PCDHA3: variants seen among roughly 807,000 people sequenced by gnomAD.
The protein encoded by PCDHA3 is protocadherin alpha-3.
PCDHA3 carries 41 observed loss-of-function variants against 62.2 expected under a neutral mutation model. The observed-to-expected ratio is 0.66, with a 90% confidence interval of 0.51 to 0.86. The LOEUF (loss-of-function observed/expected upper bound fraction) is 0.86. PCDHA3 is among the 40% of genes least tolerant of loss of function. The probability of loss-of-function intolerance (pLI) is 0.00; values close to 1 mark genes in which losing one functional copy is unlikely to be tolerated. For synonymous variants in PCDHA3, 640 were observed against 555.4 expected (o/e 1.15, Z -2.14); for missense variants, 1,304 against 1,241.2 (o/e 1.05, Z -0.76).
At chr5:140,989,890 G>A (rs368567650) in intron 3 of PCDHA3, among the ~76,000 whole-genome samples, 5 of 151,974 alleles carry the variant, frequency 3.3e-5, no homozygotes, top group Middle Eastern at 3.4e-3. Context: ...TGGAGTCTCC[G>A]TTATTCACAA....
At chr5:140,840,901 G>T (rs1776933352) in intron 1 of PCDHA3, among the ~76,000 whole-genome samples, 1 of 151,852 alleles carries the variant, frequency 6.6e-6, no homozygotes, top group African/African-American at 2.4e-5. Flanking sequence ...TGACATACAG[G>T]TCATACTTAA....
chr5:140,877,818 T>C (rs1207543793), intron 1 of PCDHA3: 1 of 1,608,890 alleles, frequency 6.2e-7, no homozygotes, highest in Non-Finnish European at 8.5e-7. Flanking sequence ...CTCGAGAAGA[T>C]TGTTTAAATC....
At position 140,870,817 on chromosome 5, in the gene PCDHA3, G is replaced by C. The variant is rs782095168; in HGVS notation, c.2394+67226G>C. On this transcript the variant is annotated intron_variant, in intron 1 of 3. Coordinates refer to ENST00000522353, the MANE Select transcript of PCDHA3 (RefSeq NM_018906.3). ...ACTGCTGGCGACTCAGGCTGGCAGCGCGGGAGGCGCAGTTAACAAGCTAGT... is the reference window on the plus strand; with the variant it reads ...ACTGCTGGCGACTCAGGCTGGCAGCCCGGGAGGCGCAGTTAACAAGCTAGT... The C allele has an allele frequency of 9.9e-6, 16 of 1,613,726 alleles. No individual in the cohort carries two copies. In the South Asian group the frequency reaches 1.3e-4, roughly 13 times the overall value.
At chr5:140,823,791 C>T (rs2150129177) in intron 1 of PCDHA3, 96 of 1,613,688 alleles carry the variant, frequency 5.9e-5, no homozygotes, top group Non-Finnish European at 7.9e-5. Flanking sequence ...TGGAAAGTGG[C>T]CAGGCGCCGA....
At chr5:140,811,136 C>T (rs1764801862) in intron 1 of PCDHA3, 1 of 152,180 alleles carries the variant, frequency 6.6e-6, no homozygotes, top group South Asian at 2.1e-4. Context: ...TTAGGTATTT[C>T]TCCTAATGCT....
intron 1 of PCDHA3, chr5:140,881,964 A>G (rs1297923565): frequency 8.1e-6 from 3 of 368,944 alleles, no homozygotes; most frequent in East Asian, 9.0e-5. Context: ...TTAATCTTCA[A>G]TTACATATTT....
intron 1 of PCDHA3, among the ~76,000 whole-genome samples, chr5:140,941,206 T>TCTTCCTTC (rs201128549): frequency 1.0e-4 from 10 of 95,674 alleles, no homozygotes; most frequent in African/African-American, 3.6e-4. Flanking sequence ...TTTCTTCCTT[T>TCTTCCTTC]CTTTCTTCCT....
chr5:140,848,815 A>G, intron 1 of PCDHA3: 4 of 1,591,096 alleles, frequency 2.5e-6, no homozygotes, highest in Non-Finnish European at 2.6e-6. Context: ...ATCCACCTGG[A>G]GGTGATCGTA....
chr5:141,003,074 G>A (rs941146075), intron 3 of PCDHA3, among the ~76,000 whole-genome samples: 2 of 152,224 alleles, frequency 1.3e-5, no homozygotes, highest in Non-Finnish European at 2.9e-5. Flanking sequence ...GCAGATGAGG[G>A]TGAGTTTAAC....
At chr5:140,969,145 C>T (rs782791096) in intron 1 of PCDHA3, 1 of 1,614,168 alleles carries the variant, frequency 6.2e-7, no homozygotes, top group South Asian at 1.1e-5. Context: ...CCTACTGCTA[C>T]AAGGCCTGTC....
chr5:140,915,204 C>A (rs2077022161), intron 1 of PCDHA3, among the ~76,000 whole-genome samples: 1 of 152,120 alleles, frequency 6.6e-6, no homozygotes, highest in African/African-American at 2.4e-5. Flanking sequence ...ATCTTGGCCT[C>A]CCAAAGTGCT....
At chr5:140,971,968 A>G (rs1049886222) in intron 1 of PCDHA3, among the ~76,000 whole-genome samples, 3 of 152,124 alleles carry the variant, frequency 2.0e-5, no homozygotes, top group Non-Finnish European at 4.4e-5. Flanking sequence ...CTTTTTTTCA[A>G]TACTATGAGT....
intron 1 of PCDHA3, chr5:140,810,242 C>T (rs78416157): frequency 6.6e-6 from 1 of 152,216 alleles, no homozygotes; most frequent in Non-Finnish European, 1.5e-5. Flanking sequence ...TTCTACTGTT[C>T]AGGAATTTGC....
chr5:141,011,890 A>G lies in PCDHA3; in HGVS notation c.*1953A>G, dbSNP rs7701616. 0.061 allele frequency: 9,307 copies of G among 153,488 alleles called. 355 individuals carry two copies. The highest frequency in any genetic ancestry group is 0.11 in the South Asian group (541 of 4,828). The allele number at this position is 153,488 out of a possible 1,614,324, so 9.5% of individuals were successfully genotyped here. On this transcript the variant is annotated 3_prime_UTR_variant, in exon 4 of 4. Coordinates refer to ENST00000522353, the MANE Select transcript of PCDHA3 (RefSeq NM_018906.3). ...GTACAATTTAGAAGTTTGATTAATT[A>G]TATTATCTATTTAGGCATTAATATA... is the stretch of plus-strand genomic sequence containing the variant.
chr5:140,841,338 G>A (rs2150313822), intron 1 of PCDHA3: 3 of 1,611,372 alleles, frequency 1.9e-6, no homozygotes, highest in South Asian at 2.2e-5. Flanking sequence ...TATCACTGGC[G>A]AGGAGAGCTG....
chr5:140,850,009 C>T (rs2150463255), intron 1 of PCDHA3: 11 of 1,596,964 alleles, frequency 6.9e-6, no homozygotes, highest in Non-Finnish European at 9.4e-6. Flanking sequence ...CGCTCGCTGT[C>T]GAGCTACGTG....
At position 140,803,320 on chromosome 5, in the gene PCDHA3, C is replaced by G. The variant is rs782343160; in HGVS notation, c.2123C>G (p.Ser708Cys). Residue 708 changes from serine (S) to cysteine (C), a missense_variant, in exon 1 of 4, where the codon TCC (serine) becomes TGC (cysteine). Ser to Cys is a moderately radical substitution (Grantham distance 112, BLOSUM62 -1). Coordinates refer to ENST00000522353, the MANE Select transcript of PCDHA3 (RefSeq NM_018906.3). Reference sequence around the variant, plus strand: ...TTGATCGTCGCCATCTGCGCGGTGTCCAGTCTGTTGGTGCTCACACTGCTG... The same window carrying G: ...TTGATCGTCGCCATCTGCGCGGTGTGCAGTCTGTTGGTGCTCACACTGCTG... ...VYLIVAICAV[S>C]SLLVLTLLLY... 4 of 1,614,148 alleles carry G rather than the reference C, an allele frequency of 2.5e-6. No individual in the cohort carries two copies. In the South Asian group the frequency reaches 4.4e-5, roughly 18 times the overall value.
chr5:140,937,728 C>T (rs1180728000), intron 1 of PCDHA3, among the ~76,000 whole-genome samples: 4 of 151,954 alleles, frequency 2.6e-5, no homozygotes, highest in African/African-American at 7.2e-5. Flanking sequence ...CTGGCTAACA[C>T]GGTGAAACCC....
chr5:140,853,637 C>T lies in PCDHA3; in HGVS notation c.2394+50046C>T, dbSNP rs1261449474. 3.6e-5 allele frequency: 36 copies of T among 988,398 alleles called. 4 individuals carry two copies. The highest frequency in any genetic ancestry group is 4.4e-5 in the Non-Finnish European group (36 of 820,538). 61.2% of individuals were successfully genotyped at this position (988,398 alleles called of 1,614,324 possible). On this transcript the variant is annotated intron_variant, in intron 1 of 3. Coordinates refer to ENST00000522353, the MANE Select transcript of PCDHA3 (RefSeq NM_018906.3). ...TAAATAAGTATACAAGATCACAGAC[C>T]TAAATTGAGCCTGTTCCAGACAAAT... is the stretch of plus-strand genomic sequence containing the variant.
Sources: allele counts gnomAD v4.1 joint callset (sites outside exome capture counted in the v4.1 genomes callset), GRCh38; gene constraint gnomAD v4.1.1; transcripts MANE v1.5; gene names NCBI Gene and HGNC (gene_info 2026-07-23, HGNC 2026-07-21).